The following SLC25A43 variants were observed in gnomAD, a reference collection of about 807,000 sequenced individuals.
The protein encoded by SLC25A43 is solute carrier family 25, member 43.
A neutral mutation model predicts 22.8 loss-of-function variants in SLC25A43; 10 were observed. The ratio of observed to expected loss-of-function variants is 0.44; its 90% CI spans 0.27 to 0.74. The LOEUF is 0.74. SLC25A43 is among the 30% of genes least tolerant of loss of function. The probability of loss-of-function intolerance (pLI) is 0.17; values close to 1 mark genes in which losing one functional copy is unlikely to be tolerated. For missense variants in SLC25A43, 233 were observed against 279.1 expected, an observed-to-expected ratio of 0.83 and a Z score of 1.18; for synonymous variants, 106 against 121.6, an observed-to-expected ratio of 0.87 and a Z score of 0.84.
chrX:119,452,250 G>A, intron 4 of SLC25A43, 107 bp downstream of exon 4: 1 of 918,907 alleles, frequency 1.1e-6, no homozygotes, highest in South Asian at 2.5e-5. Flanking sequence ...ACCCCCTCTA[G>A]CACTAATGGG....
chrX:119,446,724 C>T (rs919163022), intron 3 of SLC25A43, among the ~76,000 whole-genome samples: 1 of 112,264 alleles, frequency 8.9e-6, no homozygotes, highest in South Asian at 3.7e-4. Context: ...CCAGCCCACT[C>T]TTATACTGGG....
At chrX:119,404,637 T>C (rs1272860364) in intron 1 of SLC25A43, among the ~76,000 whole-genome samples, 1 of 111,413 alleles carries the variant, frequency 9.0e-6, no homozygotes, top group Admixed American at 9.6e-5. Flanking sequence ...GAAATGTGAC[T>C]GGATGAAAAG....
At chrX:119,419,460 C>T (rs1273098784) in intron 3 of SLC25A43, among the ~76,000 whole-genome samples, 1 of 111,550 alleles carries the variant, frequency 9.0e-6, no homozygotes, top group Admixed American at 9.5e-5. Context: ...AGTGAATAAA[C>T]AGAGGCCCCA....
chrX:119,417,968 C>A (rs766251861), intron 3 of SLC25A43, among the ~76,000 whole-genome samples: 4 of 110,677 alleles, frequency 3.6e-5, no homozygotes, highest in African/African-American at 9.8e-5. Context: ...AAAAAATTCA[C>A]CCCCAAGACA....
At chrX:119,424,131 C>T (rs2052481939) in intron 3 of SLC25A43, among the ~76,000 whole-genome samples, 1 of 106,324 alleles carries the variant, frequency 9.4e-6, no homozygotes, top group African/African-American at 3.4e-5. Flanking sequence ...GAGAATGCCG[C>T]GAACCTGGGA....
chrX:119,412,793 C>T (rs753320326), intron 3 of SLC25A43, among the ~76,000 whole-genome samples: 1 of 110,375 alleles, frequency 9.1e-6, no homozygotes, highest in East Asian at 2.8e-4. Context: ...TCTGACTTTG[C>T]TTTTCTGCTT....
Position 119,452,071 on chromosome X carries a change from C to T in SLC25A43, c.753C>T (p.Asp251=), listed in dbSNP as rs767509393. The T allele has an allele frequency of 8.3e-7, 1 of 1,210,882 alleles. No homozygotes were observed. The highest frequency in any genetic ancestry group is 1.1e-6 in the Non-Finnish European group (1 of 895,052). ...ATGTCCATTTCTCAGGAGCAGTGGA[C>T]TGCTTCCGGCAGATAGTGAAGGCCC... ...GVDVHFSGAV[D]CFRQIVKAQG... is the part of the protein sequence containing the mutation. Residue 251 remains aspartate (D), a synonymous_variant, in exon 4 of 5, where the codon GAC becomes GAT. Transcript: ENST00000217909.
At chrX:119,424,638 C>T (rs1406964717) in intron 3 of SLC25A43, among the ~76,000 whole-genome samples, 1 of 102,163 alleles carries the variant, frequency 9.8e-6, no homozygotes, top group Non-Finnish European at 2.0e-5. Context: ...AAAATCAATA[C>T]TTTGCAAGCT....
chrX:119,409,548 C>A (rs1835334527), intron 2 of SLC25A43, among the ~76,000 whole-genome samples: 1 of 104,193 alleles, frequency 9.6e-6, no homozygotes, highest in Non-Finnish European at 2.0e-5. Flanking sequence ...GTGTAACTTG[C>A]AAATATCAAT....
At chrX:119,410,417 C>T in intron 3 of SLC25A43, 55 bp downstream of exon 3, 2 of 1,143,216 alleles carry the variant, frequency 1.7e-6, no homozygotes, top group Admixed American at 2.2e-5. Flanking sequence ...TGTTTGTGGT[C>T]GGGTAATAAC....
intron 3 of SLC25A43, among the ~76,000 whole-genome samples, 199 bp downstream of exon 3, chrX:119,410,561 T>G (rs962317927): frequency 1.8e-5 from 2 of 111,967 alleles, no homozygotes; most frequent in Non-Finnish European, 3.8e-5. Context: ...CCCGGCTGCC[T>G]CCTCATTCCC....
chrX:119,405,584 C>T (rs184849157), intron 1 of SLC25A43, among the ~76,000 whole-genome samples: 1 of 86,499 alleles, frequency 1.2e-5, no homozygotes, highest in Non-Finnish European at 2.2e-5. Context: ...CATGGCGAAA[C>T]CCTATCTCTA....
chrX:119,414,094 CA>C (rs1433926251), intron 3 of SLC25A43, among the ~76,000 whole-genome samples: 3 of 111,961 alleles, frequency 2.7e-5, no homozygotes. Flanking sequence ...TATTAATTAT[CA>C]ATATTAATTG....
intron 3 of SLC25A43, among the ~76,000 whole-genome samples, chrX:119,412,474 A>C (rs2052358744): frequency 9.1e-6 from 1 of 110,196 alleles, no homozygotes; most frequent in South Asian, 3.9e-4. Context: ...TCCTGGGTTT[A>C]AGCGATTCTT....
chrX:119,421,554 G>A (rs776245593), intron 3 of SLC25A43, among the ~76,000 whole-genome samples: 2 of 112,000 alleles, frequency 1.8e-5, no homozygotes, highest in South Asian at 7.5e-4. Context: ...TTGTTCATGA[G>A]GTTACCTCTG....
intron 3 of SLC25A43, among the ~76,000 whole-genome samples, chrX:119,434,269 G>A (rs969892807): frequency 6.4e-5 from 7 of 109,867 alleles, no homozygotes; most frequent in Admixed American, 2.9e-4. Flanking sequence ...GTCAGGATTG[G>A]AGTGGAGCAA....
At chrX:119,414,808 T>A (rs1298692612) in intron 3 of SLC25A43, among the ~76,000 whole-genome samples, 1 of 109,145 alleles carries the variant, frequency 9.2e-6, no homozygotes, top group African/African-American at 3.3e-5. Context: ...AGTGCAGTGG[T>A]GCGATCTCAG....
intron 3 of SLC25A43, among the ~76,000 whole-genome samples, chrX:119,433,675 T>G (rs1256936981): frequency 8.9e-6 from 1 of 111,827 alleles, no homozygotes; most frequent in African/African-American, 3.3e-5. Flanking sequence ...ATCTGATGAG[T>G]TTGGAAGGGT....
chrX:119,441,433 G>C (rs908636463), intron 3 of SLC25A43, among the ~76,000 whole-genome samples: 3 of 106,765 alleles, frequency 2.8e-5, no homozygotes, highest in Admixed American at 1.0e-4. Context: ...CGTCTTCTGC[G>C]TCGCTCACGC....
Sources: allele counts gnomAD v4.1 joint callset (sites outside exome capture counted in the v4.1 genomes callset), GRCh38; gene constraint gnomAD v4.1.1; transcripts MANE v1.5; gene names NCBI Gene and HGNC (gene_info 2026-07-23, HGNC 2026-07-21).